The following EFHC2 variants were observed in gnomAD, a reference collection of about 807,000 sequenced individuals.
EFHC2 encodes the protein EF-hand domain containing 2, also known as EF-hand domain-containing family member C2.
Under a neutral mutation model 52.7 loss-of-function variants are expected in EFHC2, and 18 were observed. That is an observed-to-expected ratio of 0.34 (90% CI 0.24 to 0.51). The LOEUF is 0.51. Ranked by LOEUF, EFHC2 falls within the 20% of genes least tolerant of loss-of-function variation. The pLI, the probability that EFHC2 is intolerant of heterozygous loss-of-function variation, is 0.97. For missense variants in EFHC2, 513 were observed against 562.5 expected (o/e 0.91, Z 0.89); for synonymous variants, 203 against 204.1 (o/e 0.99, Z 0.04).
rs1181066 is a variant in EFHC2, at chrX:44,170,753, G to A, written c.2042+5539C>T. The stretch of plus-strand genomic sequence containing the variant: ...TCCCCTGCTTCACTCCTCTCCAAAC[G>A]ACATTGGCTCTTGTTAAAACTCTGA... On this transcript the variant is annotated intron_variant, in intron 13 of 14. Transcript: ENST00000420999. 5.2e-3 allele frequency among the ~76,000 whole-genome samples: 576 copies of A among 110,552 alleles called. 1 individual carries two copies. Among genetic ancestry groups the A allele is most frequent in the Non-Finnish European group, 8.6e-3 (457 of 52,893 alleles).
At chrX:44,327,352 C>A (rs1476550213) in intron 1 of EFHC2, among the ~76,000 whole-genome samples, 1 of 111,752 alleles carries the variant, frequency 8.9e-6, no homozygotes, top group Non-Finnish European at 1.9e-5. Context: ...AATCCCTCTA[C>A]AGTCACCAGC....
chrX:44,197,315 T>C (rs949164011), intron 11 of EFHC2, among the ~76,000 whole-genome samples: 20 of 111,890 alleles, frequency 1.8e-4, no homozygotes, highest in Non-Finnish European at 3.0e-4. Context: ...ATTCATTCAT[T>C]CATCCATCTA....
chrX:44,231,522 T>A (rs191451510), intron 10 of EFHC2, among the ~76,000 whole-genome samples: 243 of 94,413 alleles, frequency 2.6e-3, no homozygotes, highest in Middle Eastern at 0.015. Flanking sequence ...AGGTCCCCCC[T>A]GCCCACTCCT....
chrX:44,180,757 T>A lies in EFHC2; in HGVS notation c.1752-2193A>T, dbSNP rs72627382. ...TGTCTCAAATAAATAAATAAATAAA[T>A]AAAAATAAAAAAGAAGATTATAGAA... On this transcript the variant is annotated intron_variant, in intron 11 of 14. Coordinates refer to ENST00000420999, the MANE Select transcript of EFHC2 (RefSeq NM_025184.4). Among the ~76,000 whole-genome samples, 116 of 104,945 alleles carry A rather than the reference T, an allele frequency of 1.1e-3. 2 individuals carry two copies. In the Middle Eastern group the frequency reaches 0.015, roughly 13 times the overall value. The allele number at this position is 104,945 out of a possible 115,157, so 91.1% of individuals were successfully genotyped here.
At chrX:44,245,961 C>A (rs979914825) in intron 7 of EFHC2, among the ~76,000 whole-genome samples, 1 of 111,360 alleles carries the variant, frequency 9.0e-6, no homozygotes, top group Non-Finnish European at 1.9e-5. Context: ...CTTGTCAGAT[C>A]CTTCCTGCGT....
chrX:44,173,757 C>T (rs1030199558), intron 13 of EFHC2, among the ~76,000 whole-genome samples: 1 of 111,759 alleles, frequency 8.9e-6, no homozygotes, highest in African/African-American at 3.3e-5. Context: ...GAAGCAAGTT[C>T]TGAAACAATC....
chrX:44,267,084 T>C (rs1430972355), intron 3 of EFHC2, among the ~76,000 whole-genome samples: 1 of 111,890 alleles, frequency 8.9e-6, no homozygotes, highest in Non-Finnish European at 1.9e-5. Context: ...ACAACTGGTA[T>C]AGACCATACC....
At chrX:44,294,287 TGTG>T (rs1363573916) in intron 2 of EFHC2, among the ~76,000 whole-genome samples, 1 of 98,119 alleles carries the variant, frequency 1.0e-5, no homozygotes, top group African/African-American at 4.1e-5. Context: ...TGTGTGTGTG[TGTG>T]TGTGTAAAAT....
At chrX:44,313,383 A>C (rs1306516443) in intron 1 of EFHC2, among the ~76,000 whole-genome samples, 1 of 111,534 alleles carries the variant, frequency 9.0e-6, no homozygotes, top group Non-Finnish European at 1.9e-5. Flanking sequence ...ACATTTGTGC[A>C]CTGCTGGTGG....
chrX:44,167,174 A>G (rs560695457), intron 13 of EFHC2, among the ~76,000 whole-genome samples: 2 of 112,344 alleles, frequency 1.8e-5, no homozygotes, highest in East Asian at 5.6e-4. Flanking sequence ...TGTTTCAGGT[A>G]TACTAACCTT....
chrX:44,222,962 C>T (rs2147314143), intron 11 of EFHC2, among the ~76,000 whole-genome samples: 1 of 111,689 alleles, frequency 9.0e-6, no homozygotes, highest in Admixed American at 9.5e-5. Flanking sequence ...ACTATAGTCA[C>T]CATGATGTAC....
chrX:44,340,528 G>T (rs1018634102), intron 1 of EFHC2, among the ~76,000 whole-genome samples: 1 of 110,735 alleles, frequency 9.0e-6, no homozygotes, highest in Non-Finnish European at 1.9e-5. Context: ...GCATGATGGC[G>T]CATGCCTGTA....
At chrX:44,310,393 G>T (rs922063399) in intron 2 of EFHC2, 1 of 1,012,124 alleles carries the variant, frequency 9.9e-7, no homozygotes, top group African/African-American at 1.9e-5. Context: ...TCACCTTGTC[G>T]ACCAGGCTGA....
chrX:44,320,245 G>A (rs1260633822), intron 1 of EFHC2, among the ~76,000 whole-genome samples: 2 of 112,208 alleles, frequency 1.8e-5, no homozygotes, highest in African/African-American at 6.5e-5. Flanking sequence ...AACTGGCTTG[G>A]AGTAGATAAG....
At chrX:44,240,002 G>A (rs930054468) in intron 8 of EFHC2, among the ~76,000 whole-genome samples, 9 of 111,790 alleles carry the variant, frequency 8.1e-5, no homozygotes, top group African/African-American at 2.9e-4. Flanking sequence ...TCATAGATCA[G>A]CATTAACCTC....
intron 11 of EFHC2, among the ~76,000 whole-genome samples, chrX:44,217,006 T>G (rs1394756876): frequency 9.0e-6 from 1 of 111,214 alleles, no homozygotes; most frequent in Non-Finnish European, 1.9e-5. Context: ...TATAAAAAGC[T>G]CAAACAACTT....
At chrX:44,286,804 A>G (rs1161079352) in intron 2 of EFHC2, among the ~76,000 whole-genome samples, 2 of 108,745 alleles carry the variant, frequency 1.8e-5, no homozygotes, top group African/African-American at 6.7e-5. Flanking sequence ...ACTTGAGCCC[A>G]GGAATTCAAG....
chrX:44,230,303 C>T (rs953234216), intron 10 of EFHC2, among the ~76,000 whole-genome samples: 1 of 111,932 alleles, frequency 8.9e-6, no homozygotes, highest in African/African-American at 3.3e-5. Flanking sequence ...GTTCCTGTCT[C>T]TTATCCTGTG....
chrX:44,187,745 G>C (rs2036887948), intron 11 of EFHC2, among the ~76,000 whole-genome samples: 1 of 110,576 alleles, frequency 9.0e-6, no homozygotes, highest in African/African-American at 3.3e-5. Flanking sequence ...AGTTATGATA[G>C]TACCACTGCA....
Sources: gnomAD v4.1 joint callset for allele counts (sites outside exome capture counted in the v4.1 genomes callset) on GRCh38, gnomAD v4.1.1 for gene constraint, MANE v1.5 for transcripts, NCBI Gene and HGNC (gene_info 2026-07-23, HGNC 2026-07-21) for gene names.